PTPRG: variants seen among roughly 807,000 people sequenced by gnomAD.
PTPRG encodes the protein protein tyrosine phosphatase receptor type G.
A neutral mutation model predicts 165.3 loss-of-function variants in PTPRG; 102 were observed. The observed-to-expected ratio is 0.62, with a 90% CI of 0.53 to 0.73. The LOEUF is 0.73. Ranked by LOEUF, PTPRG falls within the 30% of genes least tolerant of loss-of-function variation. The pLI, the probability that PTPRG is intolerant of heterozygous loss-of-function variation, is 0.00. For missense variants in PTPRG, 1,866 were observed against 1,861.4 expected, an observed-to-expected ratio of 1.00 and a Z score of -0.05; for synonymous variants, 675 against 669.5, an observed-to-expected ratio of 1.01 and a Z score of -0.13.
chr3:62,102,097 G>A (rs1459700924), intron 5 of PTPRG, among the ~76,000 whole-genome samples: 1 of 152,076 alleles, frequency 6.6e-6, no homozygotes, highest in Non-Finnish European at 1.5e-5. Flanking sequence ...TATTTTGGTA[G>A]CAGGATAGAG....
intron 3 of PTPRG, among the ~76,000 whole-genome samples, chr3:61,990,931 G>C (rs1312173968): frequency 2.0e-5 from 3 of 147,698 alleles, no homozygotes; most frequent in Non-Finnish European, 4.5e-5. Context: ...AACCTAACTG[G>C]CTAAATGGGC....
At position 62,011,891 on chromosome 3, in the gene PTPRG, C is replaced by T. The variant is rs181861535; in HGVS notation, c.519+8394C>T. Among the ~76,000 whole-genome samples, 129 of 152,234 alleles carry T rather than the reference C, an allele frequency of 8.5e-4. 3 individuals are homozygous for T. The highest frequency in any genetic ancestry group is 4.2e-4 in the South Asian group (2 of 4,818). ...GCTGTTTGATGGTGTGTCAGTGACACGTGGTGTGCTGATAGCTGTTTGAAT... is the reference window on the plus strand; with the variant it reads ...GCTGTTTGATGGTGTGTCAGTGACATGTGGTGTGCTGATAGCTGTTTGAAT... On this transcript the variant is annotated intron_variant, in intron 4 of 29. Coordinates refer to ENST00000474889, the MANE Select transcript of PTPRG (RefSeq NM_002841.4).
chr3:61,973,059 G>A (rs761059776), intron 2 of PTPRG, among the ~76,000 whole-genome samples: 3 of 152,148 alleles, frequency 2.0e-5, no homozygotes, highest in South Asian at 2.1e-4. Context: ...CTGTCCTGCC[G>A]AGACACTTGA....
intron 1 of PTPRG, among the ~76,000 whole-genome samples, chr3:61,708,629 G>T (rs904097083): frequency 2.6e-5 from 4 of 151,250 alleles, no homozygotes; most frequent in African/African-American, 9.7e-5. Context: ...TAATTTTTTT[G>T]TAATTTTTTA....
intron 1 of PTPRG, among the ~76,000 whole-genome samples, chr3:61,625,868 A>C (rs184065957): frequency 1.3e-5 from 2 of 152,214 alleles, no homozygotes; most frequent in Non-Finnish European, 2.9e-5. Context: ...AACTTACTCC[A>C]TTTAAACTTG....
intron 2 of PTPRG, among the ~76,000 whole-genome samples, chr3:61,805,093 G>A (rs547541877): frequency 1.3e-5 from 2 of 152,308 alleles, no homozygotes; most frequent in East Asian, 1.9e-4. Context: ...GACCTTGCCA[G>A]GGCTGACCTT....
chr3:62,285,613 GCT>G (rs1702619649), intron 28 of PTPRG, among the ~76,000 whole-genome samples: 1 of 151,560 alleles, frequency 6.6e-6, no homozygotes, highest in African/African-American at 2.4e-5. Context: ...AAAGTAAACT[GCT>G]TCTATTTGAG....
chr3:61,797,971 C>G (rs1196229752), intron 2 of PTPRG, among the ~76,000 whole-genome samples: 1 of 152,112 alleles, frequency 6.6e-6, no homozygotes, highest in Non-Finnish European at 1.5e-5. Context: ...GACTATTCTT[C>G]CCAGCATAAA....
rs1387125855 is a variant in PTPRG, at chr3:61,739,805, A to T, written c.86-9073A>T. ...GACTCTTTAAGAAATACAAATGAAC[A>T]AGTGGGACTGGGTGGAGAAGGCAGC... On this transcript the variant is annotated intron_variant, in intron 1 of 29. Transcript: ENST00000474889. 2.0e-5 allele frequency among the ~76,000 whole-genome samples: 3 copies of T among 152,362 alleles called. No homozygotes were observed. In the South Asian group the frequency reaches 6.2e-4, roughly 32 times the overall value.
intron 12 of PTPRG, among the ~76,000 whole-genome samples, chr3:62,205,357 T>C (rs958936100): frequency 6.6e-6 from 1 of 152,198 alleles, no homozygotes; most frequent in Non-Finnish European, 1.5e-5. Flanking sequence ...TGAAGAAACA[T>C]GTACGGAATG....
intron 1 of PTPRG, among the ~76,000 whole-genome samples, chr3:61,679,116 GTC>G (rs1703337939): frequency 6.6e-6 from 1 of 152,208 alleles, no homozygotes. Context: ...TCAAATCAGA[GTC>G]TGGAAAGCTT....
chr3:62,165,299 T>A (rs1263999337), intron 7 of PTPRG, among the ~76,000 whole-genome samples: 4 of 152,252 alleles, frequency 2.6e-5, no homozygotes, highest in Non-Finnish European at 1.5e-5. Flanking sequence ...ACTTCTCATA[T>A]GATTTTAAGA....
At chr3:62,140,272 C>T (rs1392330144) in intron 6 of PTPRG, among the ~76,000 whole-genome samples, 1 of 152,206 alleles carries the variant, frequency 6.6e-6, no homozygotes, top group Non-Finnish European at 1.5e-5. Context: ...AAATACCACA[C>T]TTAAGTATAT....
chr3:61,771,109 C>G (rs550591729), intron 2 of PTPRG: 1 of 151,974 alleles, frequency 6.6e-6, no homozygotes, highest in Non-Finnish European at 1.5e-5. Flanking sequence ...GAGTTGAGCT[C>G]AATGAAAAGA....
At chr3:62,019,123 C>T (rs914301669) in intron 4 of PTPRG, among the ~76,000 whole-genome samples, 23 of 152,312 alleles carry the variant, frequency 1.5e-4, no homozygotes, top group African/African-American at 5.5e-4. Context: ...TCATCTGTTT[C>T]ACATAATTCA....
At chr3:61,878,723 C>T (rs1477719811) in intron 2 of PTPRG, among the ~76,000 whole-genome samples, 2 of 152,052 alleles carry the variant, frequency 1.3e-5, no homozygotes, top group East Asian at 1.9e-4. Context: ...GGGTTGGTCT[C>T]GAACTCCTGG....
chr3:61,949,869 T>G (rs1309507498), intron 2 of PTPRG, among the ~76,000 whole-genome samples: 12 of 152,122 alleles, frequency 7.9e-5, no homozygotes. Context: ...TGCCTCAGCC[T>G]CCTGAGTAGT....
chr3:62,113,231 G>GTGTGGGAA (rs1469365473), intron 5 of PTPRG, among the ~76,000 whole-genome samples: 1 of 152,126 alleles, frequency 6.6e-6, no homozygotes, highest in Non-Finnish European at 1.5e-5. Context: ...AAGATTAGCT[G>GTGTGGGAA]TGTGGGAATA....
At chr3:61,825,928 GGC>G (rs1559633689) in intron 2 of PTPRG, among the ~76,000 whole-genome samples, 7 of 151,750 alleles carry the variant, frequency 4.6e-5, no homozygotes, top group African/African-American at 1.7e-4. Context: ...TGGGATTACA[GGC>G]GTGCGTGAGC....
Sources: gnomAD v4.1 joint callset for allele counts (sites outside exome capture counted in the v4.1 genomes callset) on GRCh38, gnomAD v4.1.1 for gene constraint, MANE v1.5 for transcripts, NCBI Gene and HGNC (gene_info 2026-07-23, HGNC 2026-07-21) for gene names.